Variants in PRKN observed in about 807,000 individuals in gnomAD.
The protein encoded by PRKN is E3 ubiquitin-protein ligase parkin.
PRKN carries 56 observed loss-of-function variants against 59.5 expected under a neutral mutation model. The ratio of observed to expected loss-of-function variants is 0.94; its 90% CI spans 0.76 to 1.18. PRKN has a LOEUF of 1.18. Among genes scored for constraint, PRKN ranks in the 50% most tolerant of loss-of-function variants. The pLI, the probability that PRKN is intolerant of heterozygous loss-of-function variation, is 0.00. For missense variants in PRKN, 657 were observed against 596.4 expected (o/e 1.10, Z -1.06); for synonymous variants, 250 against 222.1 (o/e 1.13, Z -1.12).
Position 161,458,283 on chromosome 6 carries a change from A to G in PRKN, c.1084-71406T>C, listed in dbSNP as rs1790060105. ...TTGTCATTCTTTAATCATGATCATT[A>G]TTGGAGAATATGATTGAAATTTTAA... On this transcript the variant is annotated intron_variant, in intron 9 of 11. Transcript: ENST00000366898. This position sits in a 1 kb window ranked among gnomAD's most constrained non-coding sequence, Gnocchi z 6.1. Among the ~76,000 whole-genome samples, 1 of 152,120 alleles carries G rather than the reference A, an allele frequency of 6.6e-6. No homozygotes were observed. Among genetic ancestry groups the G allele is most frequent in the East Asian group, 1.9e-4 (1 of 5,196 alleles).
chr6:162,635,376 T>C (rs1309220869), intron 1 of PRKN, among the ~76,000 whole-genome samples: 1 of 152,194 alleles, frequency 6.6e-6, no homozygotes, highest in African/African-American at 2.4e-5. Context: ...ATCAGTGCAA[T>C]GAAATGTTTG....
At chr6:162,569,671 G>A (rs12215884) in intron 1 of PRKN, 229,768 of 652,680 alleles carry the variant, frequency 0.35, 43,356 homozygotes, top group East Asian at 0.53. Context: ...TTGTGAAGAA[G>A]ATCAAGACCT....
intron 9 of PRKN, among the ~76,000 whole-genome samples, chr6:161,455,794 C>T (rs570341224): frequency 2.1e-5 from 3 of 146,158 alleles, no homozygotes; most frequent in African/African-American, 5.1e-5. Context: ...ACCCGGGAGG[C>T]GGAGGTTGTG....
chr6:162,098,815 G>GACTT lies in PRKN; in HGVS notation c.535-44645_535-44642dup, dbSNP rs1289143293. Reference sequence around the variant, plus strand: ...TTCCTCAGTACGTTGGCTTGAAAAGGACTTAGCCTTGCAGGCTCAGGAAAG... The same window carrying GACTT: ...TTCCTCAGTACGTTGGCTTGAAAAGGACTTACTTAGCCTTGCAGGCTCAGGAAAG... On this transcript the variant is annotated intron_variant, in intron 4 of 11. Coordinates refer to ENST00000366898, the MANE Select transcript of PRKN (RefSeq NM_004562.3). Among the ~76,000 whole-genome samples the GACTT allele has an allele frequency of 7.2e-5, 11 of 152,310 alleles. No individual in the cohort carries two copies. The South Asian group carries it at 2.1e-3, about 29-fold the overall frequency.
At chr6:162,418,372 G>T (rs1788754837) in intron 2 of PRKN, among the ~76,000 whole-genome samples, 1 of 152,124 alleles carries the variant, frequency 6.6e-6, no homozygotes, top group Non-Finnish European at 1.5e-5. Context: ...CTGAGTATGA[G>T]GTTTTCTTTT....
chr6:161,759,841 C>T (rs1034989855), intron 7 of PRKN, among the ~76,000 whole-genome samples: 14 of 152,142 alleles, frequency 9.2e-5, no homozygotes, highest in African/African-American at 2.9e-4. Flanking sequence ...AATATGTACA[C>T]CTGAACATAA....
rs183444605 is a variant in PRKN at position 161,448,158 on chromosome 6, C to T, written c.1084-61281G>A. ...TGGAAAACACCGTGATTCTGTTCAG[C>T]GCCTCCCTTTTGCCTCCATAAAAGA... On this transcript the variant is annotated intron_variant, in intron 9 of 11. Transcript: ENST00000366898. The surrounding 1 kb of genome is among the most constrained non-coding windows in gnomAD (Gnocchi z 5.1). Among the ~76,000 whole-genome samples, 19 of 152,244 alleles carry T rather than the reference C, an allele frequency of 1.2e-4. No homozygotes were observed. Among genetic ancestry groups the T allele is most frequent in the Admixed American group, 2.6e-4 (4 of 15,292 alleles).
At chr6:161,387,269 A>T (rs948654049) in intron 9 of PRKN, among the ~76,000 whole-genome samples, 4 of 152,318 alleles carry the variant, frequency 2.6e-5, no homozygotes, top group Middle Eastern at 3.4e-3. Context: ...GATTTCTCCC[A>T]TGCTATTCTT....
intron 7 of PRKN, among the ~76,000 whole-genome samples, chr6:161,684,548 C>T (rs1785485728): frequency 6.6e-6 from 1 of 152,020 alleles, no homozygotes; most frequent in Non-Finnish European, 1.5e-5. Context: ...TGTATAATAT[C>T]TAATTATTCC....
At chr6:162,129,257 A>G (rs1281525727) in intron 4 of PRKN, among the ~76,000 whole-genome samples, 1 of 152,216 alleles carries the variant, frequency 6.6e-6, no homozygotes, top group Non-Finnish European at 1.5e-5. Flanking sequence ...TTTACAATAG[A>G]TAACATTTTG....
intron 3 of PRKN, among the ~76,000 whole-genome samples, chr6:162,231,966 G>C (rs1778440018): frequency 6.6e-6 from 1 of 152,148 alleles, no homozygotes; most frequent in Non-Finnish European, 1.5e-5. Flanking sequence ...CAGTATCATA[G>C]TGTCATCACC....
chr6:161,906,655 C>CATATATATATATATATATAT (rs1168847600), intron 6 of PRKN, among the ~76,000 whole-genome samples: 4 of 90,574 alleles, frequency 4.4e-5, no homozygotes, highest in African/African-American at 2.0e-4. Context: ...TCTAATAGAA[C>CATATATATATATATATATAT]ATACATATAT....
chr6:162,559,714 T>C (rs992137071), intron 1 of PRKN, among the ~76,000 whole-genome samples: 1 of 152,204 alleles, frequency 6.6e-6, no homozygotes, highest in Non-Finnish European at 1.5e-5. Flanking sequence ...TCCTATACAT[T>C]AGTAATTACT....
At position 161,371,681 on chromosome 6, in the gene PRKN, T is replaced by G. The variant is rs1277120555; in HGVS notation, c.1168-11476A>C. 2.6e-5 allele frequency among the ~76,000 whole-genome samples: 4 copies of G among 151,414 alleles called. No individual in the cohort carries two copies. The highest frequency in any genetic ancestry group is 4.4e-5 in the Non-Finnish European group (3 of 67,800). On this transcript the variant is annotated intron_variant, in intron 10 of 11. Transcript: ENST00000366898. The surrounding 1 kb of genome is among the most constrained non-coding windows in gnomAD (Gnocchi z 5.5). The stretch of plus-strand genomic sequence containing the variant: ...TGAGACGGAGTTTTGCTCTGTCACC[T>G]AGGCTGGAGTGCAATGACACAATCT...
At chr6:162,205,875 C>A (rs989857859) in intron 3 of PRKN, among the ~76,000 whole-genome samples, 1 of 152,092 alleles carries the variant, frequency 6.6e-6, no homozygotes. Flanking sequence ...AAATAGCTGT[C>A]TGTGGGTAGC....
At chr6:162,580,440 GAA>G (rs56059992) in intron 1 of PRKN, among the ~76,000 whole-genome samples, 26,025 of 120,400 alleles carry the variant, frequency 0.22, 2,767 homozygotes, top group East Asian at 0.51. Flanking sequence ...CCCTGTCTCA[GAA>G]AAAAAAAAAA....
intron 6 of PRKN, among the ~76,000 whole-genome samples, chr6:161,934,872 C>A (rs1300092755): frequency 6.6e-6 from 1 of 151,980 alleles, no homozygotes; most frequent in Non-Finnish European, 1.5e-5. Flanking sequence ...TTTTTTCTCC[C>A]TAAAACTAAC....
intron 2 of PRKN, among the ~76,000 whole-genome samples, chr6:162,294,110 G>A (rs1781556356): frequency 1.0e-5 from 1 of 97,930 alleles, no homozygotes; most frequent in Non-Finnish European, 1.7e-5. Context: ...TGAATAGAGA[G>A]GCATCATTGG....
In PRKN at chr6:162,473,447, C is replaced by T. The variant is rs117195671; in HGVS notation, c.8-29974G>A. ...CCTATGTTTGCCAACATCAAGCTCC[C>T]TATTATAACATAGTTTCTAGAACAG... On this transcript the variant is annotated intron_variant, in intron 1 of 11. Transcript: ENST00000366898. Among the ~76,000 whole-genome samples, 1,170 of 152,214 alleles carry T rather than the reference C, an allele frequency of 7.7e-3. 10 individuals are homozygous for T. The highest frequency in any genetic ancestry group is 0.014 in the Non-Finnish European group (922 of 68,008).
Sources: allele counts gnomAD v4.1 joint callset (sites outside exome capture counted in the v4.1 genomes callset), GRCh38; gene constraint gnomAD v4.1.1; non-coding constraint Gnocchi (gnomAD v3.1); transcripts MANE v1.5; gene names NCBI Gene and HGNC (gene_info 2026-07-23, HGNC 2026-07-21).